Variants in MIPOL1 observed in about 807,000 individuals in gnomAD.
MIPOL1 encodes mirror-image polydactyly 1.
A neutral mutation model predicts 60.9 loss-of-function variants in MIPOL1; 57 were observed. The observed-to-expected ratio is 0.94, with a 90% CI of 0.76 to 1.17. The LOEUF (loss-of-function observed/expected upper bound fraction) is 1.17. MIPOL1 is among the 50% of genes most tolerant of loss of function. The pLI is 0.00. For missense variants in MIPOL1, 551 were observed against 511.6 expected, an observed-to-expected ratio of 1.08 and a Z score of -0.74; for synonymous variants, 179 against 168.8, an observed-to-expected ratio of 1.06 and a Z score of -0.47.
intron 1 of MIPOL1, among the ~76,000 whole-genome samples, chr14:37,215,266 C>G (rs1223751896): frequency 6.6e-6 from 1 of 151,910 alleles, no homozygotes; most frequent in Non-Finnish European, 1.5e-5. Flanking sequence ...TGTCTTGTAT[C>G]CAATAAATAA....
chr14:37,351,964 C>G (rs1468075646), intron 9 of MIPOL1, among the ~76,000 whole-genome samples: 1 of 145,202 alleles, frequency 6.9e-6, no homozygotes. Context: ...GTGTTTTAGA[C>G]ATGAAGTCCT....
chr14:37,391,279 T>TCTTAATTGAAAAACATAGTAAAGGGGG (rs1555328495), intron 10 of MIPOL1, among the ~76,000 whole-genome samples: 1 of 152,164 alleles, frequency 6.6e-6, no homozygotes, highest in Non-Finnish European at 1.5e-5. Context: ...AGTAAAGGGG[T>TCTTAATTGAAAAACATAGTAAAGGGGG]TTCTTAAATC....
chr14:37,539,613 G>A (rs752257671), intron 12 of MIPOL1, among the ~76,000 whole-genome samples: 3 of 152,072 alleles, frequency 2.0e-5, no homozygotes, highest in African/African-American at 4.8e-5. Flanking sequence ...AAAGCCCTTC[G>A]AGGACTGGAA....
chr14:37,363,936 G>A (rs781531913), intron 9 of MIPOL1, among the ~76,000 whole-genome samples: 5 of 152,180 alleles, frequency 3.3e-5, no homozygotes, highest in East Asian at 1.9e-4. Flanking sequence ...GTGACCCCCC[G>A]AGCCAGGCGT....
At chr14:37,498,170 G>C (rs1484726400) in intron 11 of MIPOL1, among the ~76,000 whole-genome samples, 1 of 152,128 alleles carries the variant, frequency 6.6e-6, no homozygotes, top group Non-Finnish European at 1.5e-5. Context: ...ATAAAGGTTG[G>C]ATTAGTACTT....
chr14:37,449,785 CATTT>C (rs76200007), intron 11 of MIPOL1, among the ~76,000 whole-genome samples: 156 of 151,678 alleles, frequency 1.0e-3, no homozygotes, highest in Non-Finnish European at 1.3e-3. Context: ...TTTCTGATTA[CATTT>C]ATTTATTTAT....
intron 9 of MIPOL1, among the ~76,000 whole-genome samples, chr14:37,314,067 A>G (rs1338490204): frequency 1.3e-5 from 2 of 152,172 alleles, no homozygotes; most frequent in African/African-American, 2.4e-5. Flanking sequence ...GAGTCATTCT[A>G]TATATCTAAA....
chr14:37,209,239 T>A (rs146551538), intron 1 of MIPOL1, among the ~76,000 whole-genome samples: 36 of 152,342 alleles, frequency 2.4e-4, no homozygotes, highest in African/African-American at 5.3e-4. Context: ...GTGCATAGAT[T>A]TGGATTTTTA....
chr14:37,267,034 A>G lies in MIPOL1; in HGVS notation c.116A>G (p.His39Arg). ...ACTATGAATTCTGAGAAAAGTATGC[A>G]TCGGAAATCCACTGAATTAGTTAAT... ...QLTMNSEKSM[H>R]RKSTELVNEI... The change falls in exon 4 of 13, where the codon CAT becomes CGT. Residue 39 changes from histidine to arginine, a missense_variant. Transcript: ENST00000684589. 4 of 1,614,012 alleles carry G rather than the reference A, an allele frequency of 2.5e-6. No individual in the cohort carries two copies. The highest frequency in any genetic ancestry group is 2.2e-5 in the East Asian group (1 of 44,818).
chr14:37,442,086 T>TG (rs2094255701), intron 11 of MIPOL1, among the ~76,000 whole-genome samples: 1 of 124,544 alleles, frequency 8.0e-6, no homozygotes, highest in Non-Finnish European at 1.7e-5. Context: ...CTTTCTACTT[T>TG]GTTGTGTGTG....
intron 6 of MIPOL1, among the ~76,000 whole-genome samples, chr14:37,274,621 T>C (rs1195270681): frequency 1.3e-5 from 2 of 151,344 alleles, no homozygotes; most frequent in South Asian, 2.1e-4. Flanking sequence ...ACACCATACA[T>C]GTTGTAAGTA....
At chr14:37,467,188 A>G (rs549966398) in intron 11 of MIPOL1, among the ~76,000 whole-genome samples, 2 of 152,314 alleles carry the variant, frequency 1.3e-5, no homozygotes, top group East Asian at 3.9e-4. Context: ...TATAACCCTA[A>G]AACCTGTAGA....
chr14:37,428,467 A>G (rs2094004282), intron 11 of MIPOL1, among the ~76,000 whole-genome samples: 1 of 152,064 alleles, frequency 6.6e-6, no homozygotes, highest in African/African-American at 2.4e-5. Context: ...GTGTGCCTGT[A>G]ATCCCAGCTA....
chr14:37,454,323 T>C (rs552196391), intron 11 of MIPOL1, among the ~76,000 whole-genome samples: 1 of 152,172 alleles, frequency 6.6e-6, no homozygotes, highest in African/African-American at 2.4e-5. Context: ...TTGATGTGGA[T>C]CTTCTAACCC....
In MIPOL1 at chr14:37,551,188, A is replaced by G. The variant is rs1311858280; in HGVS notation, c.*4217A>G. ...CTGATTATTAACAAAGATGTATTTT[A>G]ATGCACAAACTCAAATGTTTAAAAT... is the stretch of plus-strand genomic sequence containing the variant. On this transcript the variant is annotated 3_prime_UTR_variant, in exon 13 of 13. Transcript: ENST00000684589. 1 of 152,160 alleles carries G rather than the reference A, an allele frequency of 6.6e-6. No homozygotes were observed. The highest frequency in any genetic ancestry group is 1.5e-5 in the Non-Finnish European group (1 of 68,000). The allele number at this position is 152,160 out of a possible 1,614,324, so 9.4% of individuals were successfully genotyped here.
intron 7 of MIPOL1, among the ~76,000 whole-genome samples, chr14:37,286,067 C>A (rs2084538853): frequency 6.6e-6 from 1 of 152,150 alleles, no homozygotes; most frequent in Non-Finnish European, 1.5e-5. Flanking sequence ...CTCCTCTTCT[C>A]CTCATTATCA....
At chr14:37,236,241 A>G (rs61988307) in intron 1 of MIPOL1, among the ~76,000 whole-genome samples, 39,440 of 151,776 alleles carry the variant, frequency 0.26, 5,266 homozygotes, top group South Asian at 0.33. Context: ...TTTTTTGATA[A>G]TAGTCATCTT....
rs1595193397 is a variant in MIPOL1, at chr14:37,334,169, G to T, written c.828+25650G>T. Reference sequence around the variant, plus strand: ...ATGCTAATACATTTAGTAACCCAGTGTAAATAAATTTACTAAAACTATTTA... The same window carrying T: ...ATGCTAATACATTTAGTAACCCAGTTTAAATAAATTTACTAAAACTATTTA... On this transcript the variant is annotated intron_variant, in intron 9 of 12. Coordinates refer to ENST00000684589, the MANE Select transcript of MIPOL1 (RefSeq NM_001388067.1). 2.6e-5 allele frequency among the ~76,000 whole-genome samples: 4 copies of T among 151,994 alleles called. 1 individual carries two copies. The highest frequency in any genetic ancestry group is 9.7e-5 in the African/African-American group (4 of 41,428).
rs1321518856 is a variant in MIPOL1, at chr14:37,316,120, G to A, written c.828+7601G>A. 2.0e-5 allele frequency among the ~76,000 whole-genome samples: 3 copies of A among 151,638 alleles called. 1 individual carries two copies. ...AAGCTCACCGCAACCTCTCCCTCCT[G>A]GGTTCAAGCAATTCTCTTGTCTCAG... On this transcript the variant is annotated intron_variant, in intron 9 of 12. Coordinates refer to ENST00000684589, the MANE Select transcript of MIPOL1 (RefSeq NM_001388067.1).
Sources: gnomAD v4.1 joint callset for allele counts (sites outside exome capture counted in the v4.1 genomes callset) on GRCh38, gnomAD v4.1.1 for gene constraint, MANE v1.5 for transcripts, NCBI Gene and HGNC (gene_info 2026-07-23, HGNC 2026-07-21) for gene names.